MON2: variants seen among roughly 807,000 people sequenced by gnomAD.
The protein encoded by MON2 is protein MON2 homolog.
MON2 carries 84 observed loss-of-function variants against 208.6 expected under a neutral mutation model. That is an observed-to-expected ratio of 0.40 (90% CI 0.34 to 0.48). MON2 has a LOEUF of 0.48. MON2 is among the 20% of genes least tolerant of loss of function. The probability of loss-of-function intolerance (pLI) is 0.59; values close to 1 mark genes in which losing one functional copy is unlikely to be tolerated. For missense variants in MON2, 1,611 were observed against 2,015.4 expected (o/e 0.80, Z 3.84); for synonymous variants, 660 against 694.0 (o/e 0.95, Z 0.77).
intron 7 of MON2, among the ~76,000 whole-genome samples, chr12:62,504,742 G>C: frequency 6.6e-6 from 1 of 152,118 alleles, no homozygotes; most frequent in East Asian, 1.9e-4. Flanking sequence ...TAAGTTTTAT[G>C]CCAAGTATAC....
intron 16 of MON2, 98 bp downstream of exon 16, chr12:62,537,804 A>G (rs2073047798): frequency 3.3e-6 from 3 of 914,840 alleles, no homozygotes; most frequent in East Asian, 2.5e-5. Flanking sequence ...GGACAGGCCT[A>G]AAAAATAGAT....
intron 14 of MON2, among the ~76,000 whole-genome samples, chr12:62,536,151 A>G (rs2072956837): frequency 6.6e-6 from 1 of 152,140 alleles, no homozygotes; most frequent in African/African-American, 2.4e-5. Flanking sequence ...TTAAACAATA[A>G]TTGTGAGAGG....
rs2074181395 is a variant in MON2, at chr12:62,561,094, C to G, written c.4013C>G (p.Ala1338Gly). 6.2e-7 allele frequency: 1 copy of G among 1,603,678 alleles called. No individual in the cohort carries two copies. The highest frequency in any genetic ancestry group is 1.3e-5 in the African/African-American group (1 of 74,356). ...LTSLQEAVLT[A>G]LDVLQKAICV... ...AGTTTACAGGAAGCTGTACTTACAG[C>G]TTTAGATGTTCTCCAAAAGGTAATA... The change falls in exon 26 of 35, where the codon GCT becomes GGT. Residue 1338 changes from alanine to glycine, a missense_variant. Transcript: ENST00000393630.
At chr12:62,553,375 C>T in intron 24 of MON2, 1 of 484,528 alleles carries the variant, frequency 2.1e-6, no homozygotes, top group Non-Finnish European at 3.6e-6. Context: ...ATCTCTGTTT[C>T]TGTCTTCATC....
At position 62,501,572 on chromosome 12, in the gene MON2, G is replaced by A; in HGVS notation, c.664-1G>A. 1 of 1,613,084 alleles carries A rather than the reference G, an allele frequency of 6.2e-7. No homozygotes were observed. The highest frequency in any genetic ancestry group is 8.5e-7 in the Non-Finnish European group (1 of 1,179,362). Reference sequence around the variant, plus strand: ...TGAAATTGTTCGATTTATTTTCCCAGGATCTTTGTCAGTTGGTTAATGCTG... The same window carrying A: ...TGAAATTGTTCGATTTATTTTCCCAAGATCTTTGTCAGTTGGTTAATGCTG... On this transcript the variant is annotated splice_acceptor_variant, in intron 6 of 34. Transcript: ENST00000393630. LOFTEE classifies it high-confidence loss of function.
At chr12:62,502,439 T>C (rs926472363) in intron 7 of MON2, among the ~76,000 whole-genome samples, 10 of 151,190 alleles carry the variant, frequency 6.6e-5, no homozygotes, top group South Asian at 4.2e-4. Flanking sequence ...AAGAAAGATA[T>C]GGAGAATTGT....
Position 62,513,238 on chromosome 12 carries a change from G to C in MON2, c.984+4758G>C, listed in dbSNP as rs768019178. ...AAATGGGATTTTCTTTTCTTTTTGC[G>C]GGGGAGGGATGGAGTCTTGCTCTGT... On this transcript the variant is annotated intron_variant, in intron 8 of 34. Transcript: ENST00000393630. Among the ~76,000 whole-genome samples, 5 of 152,010 alleles carry C rather than the reference G, an allele frequency of 3.3e-5. No homozygotes were observed. In the East Asian group the frequency reaches 7.8e-4, roughly 24 times the overall value.
intron 7 of MON2, 30 bp from the exon 8 acceptor site, chr12:62,508,256 T>A (rs1592906935): frequency 6.4e-7 from 1 of 1,558,350 alleles, no homozygotes; most frequent in Non-Finnish European, 8.8e-7. Flanking sequence ...AAGTTAATTA[T>A]TTTTTTCTTT....
At chr12:62,515,201 G>A (rs1052572805) in intron 8 of MON2, among the ~76,000 whole-genome samples, 13 of 152,198 alleles carry the variant, frequency 8.5e-5, no homozygotes, top group South Asian at 4.1e-4. Context: ...GTTCATTGTC[G>A]CATTTTTGTA....
chr12:62,473,855 G>A (rs2068923950), intron 1 of MON2, among the ~76,000 whole-genome samples: 2 of 152,066 alleles, frequency 1.3e-5, no homozygotes, highest in African/African-American at 2.4e-5. Flanking sequence ...ACAGACCCGA[G>A]CCACTGTGCC....
chr12:62,521,375 C>T (rs1375697709), intron 8 of MON2, among the ~76,000 whole-genome samples: 2 of 152,068 alleles, frequency 1.3e-5, no homozygotes, highest in Admixed American at 6.6e-5. Flanking sequence ...GTGAAGAATC[C>T]AATGACACTA....
intron 2 of MON2, among the ~76,000 whole-genome samples, chr12:62,487,560 C>A (rs924326456): frequency 3.3e-5 from 5 of 151,866 alleles, no homozygotes; most frequent in Admixed American, 1.3e-4. Context: ...CCCTCATCTT[C>A]TTTTTAAAGA....
chr12:62,531,338 T>A (rs1282834072), intron 11 of MON2, among the ~76,000 whole-genome samples: 1 of 151,978 alleles, frequency 6.6e-6, no homozygotes, highest in Admixed American at 6.6e-5. Context: ...CTTCTAAGAG[T>A]TTTTATAGAT....
rs770729072 is a variant in MON2, at chr12:62,588,062, T to C, written c.4908-12T>C. ...AAATCTTAATGGAAATGATTTCCTA[T>C]CTCTTTTTCAGGCAACAAGTAACAG... is the stretch of plus-strand genomic sequence containing the variant. On this transcript the variant is annotated splice_polypyrimidine_tract_variant and intron_variant, in intron 33 of 34. Coordinates refer to ENST00000393630, the MANE Select transcript of MON2 (RefSeq NM_015026.3). The C allele has an allele frequency of 5.3e-6, 8 of 1,505,088 alleles. No individual in the cohort carries two copies. The highest frequency in any genetic ancestry group is 6.5e-6 in the Non-Finnish European group (7 of 1,085,194). 93.2% of individuals were successfully genotyped at this position (1,505,088 alleles called of 1,614,324 possible). A position where few individuals can be genotyped will look rare whatever the true frequency, so the allele number is the denominator to read the frequency against.
At chr12:62,499,320 A>G (rs1161199163) in intron 5 of MON2, among the ~76,000 whole-genome samples, 3 of 152,164 alleles carry the variant, frequency 2.0e-5, no homozygotes, top group Non-Finnish European at 4.4e-5. Flanking sequence ...ATTACATTCT[A>G]TGAATTTTTC....
rs768773692 is a variant in MON2, at chr12:62,560,564, A to G, written c.3483A>G (p.Val1161=). The G allele has an allele frequency of 1.9e-6, 3 of 1,613,920 alleles. No homozygotes were observed. Among genetic ancestry groups the G allele is most frequent in the South Asian group, 2.2e-5 (2 of 91,074 alleles). ...CAGCACTCAGCAAAAACAATGAAGT[A>G]TCTCTGGCTGCTCTGAAAAGCTTCC... is the stretch of plus-strand genomic sequence containing the variant. ...QSAALSKNNE[V]SLAALKSFQE... is the part of the protein sequence containing the mutation. The change falls in exon 26 of 35, where the codon GTA becomes GTG. Residue 1161 remains valine, a synonymous_variant. Coordinates refer to ENST00000393630, the MANE Select transcript of MON2 (RefSeq NM_015026.3).
At chr12:62,483,836 T>A (rs1414265035) in intron 1 of MON2, among the ~76,000 whole-genome samples, 1 of 152,272 alleles carries the variant, frequency 6.6e-6, no homozygotes, top group Non-Finnish European at 1.5e-5. Flanking sequence ...CTAATTATTT[T>A]CAGTAGATTT....
At chr12:62,530,821 C>G (rs1043742022) in intron 11 of MON2, among the ~76,000 whole-genome samples, 1 of 152,164 alleles carries the variant, frequency 6.6e-6, no homozygotes, top group African/African-American at 2.4e-5. Context: ...AAACTCTTTT[C>G]CCAAGCAACT....
rs2075541999 is a variant in MON2, at chr12:62,597,092, A to G, written c.*4343A>G. 1 of 152,242 alleles carries G rather than the reference A, an allele frequency of 6.6e-6. No individual in the cohort carries two copies. The highest frequency in any genetic ancestry group is 6.5e-5 in the Admixed American group (1 of 15,286). 9.4% of individuals were successfully genotyped at this position (152,242 alleles called of 1,614,324 possible). A position where few individuals can be genotyped will look rare whatever the true frequency, so the allele number is the denominator to read the frequency against. On this transcript the variant is annotated 3_prime_UTR_variant, in exon 35 of 35. Transcript: ENST00000393630. ...ACTAATTCTTTAGAGGAAAAAATGC[A>G]TAATTTGAGTGTGGAGTTGATTTTA...
Sources: allele counts gnomAD v4.1 joint callset (sites outside exome capture counted in the v4.1 genomes callset), GRCh38; gene constraint gnomAD v4.1.1; transcripts MANE v1.5; gene names NCBI Gene and HGNC (gene_info 2026-07-23, HGNC 2026-07-21).